Variants in POLR3C observed in about 807,000 individuals in gnomAD.
POLR3C encodes the protein DNA-directed RNA polymerase III subunit RPC3.
In POLR3C, 44 loss-of-function variants were observed where a neutral mutation model predicts 65.9. The ratio of observed to expected loss-of-function variants is 0.67; its 90% CI spans 0.52 to 0.86. The LOEUF (loss-of-function observed/expected upper bound fraction) is 0.86, where lower values mean the gene tolerates loss of function less well. Ranked by LOEUF, POLR3C falls within the 40% of genes least tolerant of loss-of-function variation. The pLI is 0.00. For synonymous variants in POLR3C, 263 were observed against 231.6 expected (o/e 1.14, Z -1.23); for missense variants, 576 against 653.2 (o/e 0.88, Z 1.29).
chr1:145,825,180 C>T (rs1032450767), intron 1 of POLR3C, among the ~76,000 whole-genome samples: 4 of 152,132 alleles, frequency 2.6e-5, no homozygotes, highest in Admixed American at 6.5e-5. Context: ...GCGATCTCGG[C>T]TCACTGCAAC....
Position 145,826,860 on chromosome 1 carries a change from T to C in POLR3C, c.444T>C (p.Phe148=). Residue 148 remains phenylalanine (F), a synonymous_variant, in exon 4 of 15, where the codon TTT becomes TTC. Coordinates refer to ENST00000334163, the MANE Select transcript of POLR3C (RefSeq NM_006468.8). The part of the protein sequence containing the change: ...TMDYAEVSNT[F]VRLADTHFVQ... ...ACTATGCTGAAGTATCAAACACATT[T>C]GTGCGACTGGCAGACACACACTTTG... 1.2e-6 allele frequency: 2 copies of C among 1,612,238 alleles called. No homozygotes were observed. Among genetic ancestry groups the C allele is most frequent in the Middle Eastern group, 1.7e-4 (1 of 6,048 alleles).
chr1:145,838,138 A>G lies in POLR3C; in HGVS notation c.1153A>G (p.Met385Val). 6.2e-7 allele frequency: 1 copy of G among 1,612,834 alleles called. No homozygotes were observed. Residue 385 changes from methionine (M) to valine (V), a missense_variant, in exon 11 of 15, where the codon ATG becomes GTG. Physicochemically the swap from Met to Val is conservative, Grantham distance 21 (BLOSUM62 1). Transcript: ENST00000334163. The part of the protein sequence containing the change: ...IEQKQVEDFA[M>V]IPAKEAKDML... ...GCAGAAGCAAGTGGAAGACTTTGCA[A>G]TGATTCCTGCAAAGGAGGCAAAGGA... is the stretch of plus-strand genomic sequence containing the variant.
At chr1:145,827,943 A>G (rs1271493966) in intron 4 of POLR3C, among the ~76,000 whole-genome samples, 1 of 152,002 alleles carries the variant, frequency 6.6e-6, no homozygotes, top group African/African-American at 2.4e-5. Flanking sequence ...AAAAAAAAGA[A>G]AAGAAAATAT....
At chr1:145,840,778 G>T in intron 13 of POLR3C, 144 bp from the exon 14 acceptor site, 1 of 544,982 alleles carries the variant, frequency 1.8e-6, no homozygotes, top group Non-Finnish European at 3.2e-6. Flanking sequence ...TTCCAAATAA[G>T]TTTGTAGAAA....
intron 1 of POLR3C, 138 bp downstream of exon 1, chr1:145,824,507 C>T (rs782143168): frequency 2.8e-5 from 36 of 1,286,840 alleles, no homozygotes; most frequent in Non-Finnish European, 3.6e-5. Context: ...GGCAAAGGAT[C>T]TGGGAATGCT....
chr1:145,833,374 A>C lies in POLR3C; in HGVS notation c.783+10A>C. The C allele has an allele frequency of 6.3e-7, 1 of 1,583,886 alleles. No homozygotes were observed. The highest frequency in any genetic ancestry group is 8.7e-7 in the Non-Finnish European group (1 of 1,152,702). On this transcript the variant is annotated intron_variant, in intron 6 of 14. Coordinates refer to ENST00000334163, the MANE Select transcript of POLR3C (RefSeq NM_006468.8). ...TAACAGGATGGACCAGGTAATACCT[A>C]AGTGGGTCTGTCATTGGTCATCAGG...
intron 14 of POLR3C, 111 bp from the exon 15 acceptor site, chr1:145,842,228 C>T: frequency 1.5e-6 from 1 of 650,764 alleles, no homozygotes; most frequent in Non-Finnish European, 2.7e-6. Context: ...TCTTTCCATC[C>T]ACTCTCAAGG....
rs1187576963 is a variant in POLR3C, at chr1:145,841,019, A to T, written c.1471A>T (p.Ile491Phe). The T allele has an allele frequency of 1.2e-6, 2 of 1,612,250 alleles. No homozygotes were observed. The highest frequency in any genetic ancestry group is 1.7e-6 in the Non-Finnish European group (2 of 1,178,398). ...EAQLQEIEEM[I>F]TAPERQQLET... ...ACAGTTACAAGAAATAGAGGAGATG[A>T]TCACAGCTCCTGAACGTCAGCAGCT... Residue 491 changes from isoleucine to phenylalanine, a missense_variant, in exon 14 of 15, where the codon ATC (isoleucine) becomes TTC (phenylalanine). Transcript: ENST00000334163.
chr1:145,829,985 A>G (rs1230349355), intron 5 of POLR3C, among the ~76,000 whole-genome samples: 3 of 152,240 alleles, frequency 2.0e-5, no homozygotes, highest in Non-Finnish European at 1.5e-5. Context: ...TTTGGGCTTT[A>G]TCCTGAAGGC....
chr1:145,838,796 C>T (rs1249601045), intron 11 of POLR3C, among the ~76,000 whole-genome samples: 1 of 152,158 alleles, frequency 6.6e-6, no homozygotes, highest in Non-Finnish European at 1.5e-5. Context: ...AGCCTTAATT[C>T]TGTTATAGTT....
rs1208310197 is a variant in POLR3C at position 145,843,315 on chromosome 1, C to A, written c.*895C>A. 1.3e-5 allele frequency among the ~76,000 whole-genome samples: 2 copies of A among 152,202 alleles called. No homozygotes were observed. Among genetic ancestry groups the A allele is most frequent in the Admixed American group, 6.6e-5 (1 of 15,262 alleles). ...CTTAAAACTGGCAACGCTAAATTCTCTCTCTCAGTATCACGGATATAATTT... is the reference window on the plus strand; with the variant it reads ...CTTAAAACTGGCAACGCTAAATTCTATCTCTCAGTATCACGGATATAATTT... On this transcript the variant is annotated 3_prime_UTR_variant, in exon 15 of 15. Transcript: ENST00000334163.
rs1650743225 is a variant in POLR3C at position 145,826,363 on chromosome 1, G to A, written c.148-91G>A. 2.8e-6 allele frequency: 3 copies of A among 1,066,006 alleles called. No homozygotes were observed. In the Admixed American group the frequency reaches 5.9e-5, roughly 21 times the overall value. The allele number at this position is 1,066,006 out of a possible 1,614,324, so 66.0% of individuals were successfully genotyped here. A position where few individuals can be genotyped will look rare whatever the true frequency, so the allele number is the denominator to read the frequency against. On this transcript the variant is annotated intron_variant, in intron 2 of 14. Transcript: ENST00000334163. ...AGAAATTATCTAGCCATTTTCTGAT[G>A]CTTACTAAGCTGTTGGACAAAAAAT...
chr1:145,826,893 C>A lies in POLR3C; in HGVS notation c.477C>A (p.Arg159=). 6.2e-7 allele frequency: 1 copy of A among 1,613,532 alleles called. No individual in the cohort carries two copies. The highest frequency in any genetic ancestry group is 8.5e-7 in the Non-Finnish European group (1 of 1,179,732). ...TGGCAGACACACACTTTGTACAACG[C>A]TGCCCTTCGGTACCTACCACTGAGA... ...VRLADTHFVQ[R]CPSVPTTENS... The change falls in exon 4 of 15, where the codon CGC becomes CGA. Residue 159 remains arginine (R), a synonymous_variant. Transcript: ENST00000334163.
intron 11 of POLR3C, 139 bp downstream of exon 11, chr1:145,838,345 T>C (rs587665936): frequency 9.2e-4 from 670 of 730,076 alleles, no homozygotes; most frequent in Admixed American, 1.4e-3. Flanking sequence ...CACAGAGACA[T>C]AGCGAGCACT....
chr1:145,829,046 A>G (rs1171487580), intron 5 of POLR3C, among the ~76,000 whole-genome samples: 3 of 152,202 alleles, frequency 2.0e-5, no homozygotes, highest in African/African-American at 7.2e-5. Context: ...GAACAGAGGT[A>G]ACAGCTTATG....
rs1651528750 is a variant in POLR3C at position 145,833,545 on chromosome 1, C to T, written c.839C>T (p.Ser280Phe). The change falls in exon 7 of 15, where the codon TCT (serine) becomes TTT (phenylalanine). Residue 280 changes from serine (S) to phenylalanine (F), a missense_variant. Transcript: ENST00000334163. Reference protein sequence around the residue: ...MLRMSEITTSSSAPFTQPLSS... With the variant: ...MLRMSEITTSFSAPFTQPLSS... ...CGAATGAGTGAGATTACCACTTCCT[C>T]TAGTGCTCCCTTCACCCAGCCATTG... The T allele has an allele frequency of 6.2e-7, 1 of 1,612,836 alleles. No individual in the cohort carries two copies. Among genetic ancestry groups the T allele is most frequent in the Non-Finnish European group, 8.5e-7 (1 of 1,178,744 alleles).
Position 145,828,754 on chromosome 1 carries a change from G to C in POLR3C, c.595G>C (p.Gly199Arg). Reference protein sequence around the residue: ...LVPKLSLIGKGKRRRSSDEDA... With the variant: ...LVPKLSLIGKRKRRRSSDEDA... Reference sequence around the variant, plus strand: ...TTTAATTGTTTGTTTGGCAGGGAAAGGTAAAAGGAGGAGATCATCTGATGA... The same window carrying C: ...TTTAATTGTTTGTTTGGCAGGGAAACGTAAAAGGAGGAGATCATCTGATGA... The change falls in exon 5 of 15, where the codon GGT (glycine) becomes CGT (arginine). Residue 199 changes from glycine to arginine, a missense_variant. Transcript: ENST00000334163. 6.2e-7 allele frequency: 1 copy of C among 1,604,156 alleles called. No individual in the cohort carries two copies. The highest frequency in any genetic ancestry group is 8.5e-7 in the Non-Finnish European group (1 of 1,170,982).
At chr1:145,832,328 AAAG>A (rs1651403762) in intron 5 of POLR3C, among the ~76,000 whole-genome samples, 1 of 152,166 alleles carries the variant, frequency 6.6e-6, no homozygotes, top group Non-Finnish European at 1.5e-5. Context: ...ACACTAAGGA[AAAG>A]AAGAGAAGGC....
rs115346568 is a variant in POLR3C at position 145,840,575 on chromosome 1, A to G, written c.1374-347A>G. ...ATTTTTTTTTTGAGAAGTAGGAACC[A>G]GTAGAGATAGCAACCAGTCTACTTG... On this transcript the variant is annotated intron_variant, in intron 13 of 14. Coordinates refer to ENST00000334163, the MANE Select transcript of POLR3C (RefSeq NM_006468.8). 4.9e-3 allele frequency among the ~76,000 whole-genome samples: 747 copies of G among 152,192 alleles called. 1 individual carries two copies. Among genetic ancestry groups the G allele is most frequent in the Non-Finnish European group, 8.9e-3 (608 of 67,998 alleles).
Sources: allele counts gnomAD v4.1 joint callset (sites outside exome capture counted in the v4.1 genomes callset), GRCh38; gene constraint gnomAD v4.1.1; transcripts MANE v1.5; gene names NCBI Gene and HGNC (gene_info 2026-07-23, HGNC 2026-07-21).